Variants in ZSWIM6 observed in about 807,000 individuals in gnomAD.
ZSWIM6 encodes zinc finger SWIM-type containing 6, also known as zinc finger SWIM domain-containing protein 6.
A neutral mutation model predicts 113.2 loss-of-function variants in ZSWIM6; 9 were observed. The ratio of observed to expected loss-of-function variants is 0.08; its 90% CI spans 0.05 to 0.14. ZSWIM6 has a LOEUF of 0.14. Among genes scored for constraint, ZSWIM6 ranks in the 10% least tolerant of loss-of-function variants. ZSWIM6 has a pLI of 1.00. For synonymous variants in ZSWIM6, 611 were observed against 606.5 expected (o/e 1.01, Z -0.11); for missense variants, 1,162 against 1,552.2 (o/e 0.75, Z 4.22).
chr5:61,513,648 A>G (rs1407209194), intron 4 of ZSWIM6, among the ~76,000 whole-genome samples: 2 of 151,976 alleles, frequency 1.3e-5, no homozygotes, highest in African/African-American at 4.8e-5. Flanking sequence ...GAGTTTTTTT[A>G]TAAAGTATAT....
At chr5:61,340,709 G>C (rs1180204027) in intron 1 of ZSWIM6, among the ~76,000 whole-genome samples, 1 of 152,258 alleles carries the variant, frequency 6.6e-6, no homozygotes, top group Admixed American at 6.5e-5. Context: ...TACTGTTTGG[G>C]CCGTGTCTTA....
chr5:61,478,051 G>C (rs931604945), intron 2 of ZSWIM6, among the ~76,000 whole-genome samples: 1 of 152,110 alleles, frequency 6.6e-6, no homozygotes, highest in African/African-American at 2.4e-5. Flanking sequence ...GCTTGCCTTA[G>C]CAACCAGTTT....
intron 1 of ZSWIM6, among the ~76,000 whole-genome samples, chr5:61,415,956 T>G (rs1023506421): frequency 1.1e-3 from 166 of 152,330 alleles, no homozygotes; most frequent in African/African-American, 3.8e-3. Context: ...CAAGATAAGT[T>G]TATCAGGGCT....
intron 1 of ZSWIM6, among the ~76,000 whole-genome samples, chr5:61,459,690 AT>A (rs989060012): frequency 3.3e-5 from 5 of 152,216 alleles, no homozygotes; most frequent in African/African-American, 1.2e-4. Context: ...TTATTTATTC[AT>A]TCACTCAATA....
chr5:61,454,551 C>T (rs1178504694), intron 1 of ZSWIM6, among the ~76,000 whole-genome samples: 2 of 150,814 alleles, frequency 1.3e-5, no homozygotes, highest in African/African-American at 4.9e-5. Context: ...GTATGAGCCA[C>T]CGTGCCTATC....
chr5:61,449,190 A>G (rs925424380), intron 1 of ZSWIM6, among the ~76,000 whole-genome samples: 3 of 152,228 alleles, frequency 2.0e-5, no homozygotes, highest in African/African-American at 7.2e-5. Flanking sequence ...TTTTATAATT[A>G]CATTGGTTTC....
Position 61,543,612 on chromosome 5 carries a change from G to A in ZSWIM6, c.2943G>A (p.Arg981=). 6.4e-7 allele frequency: 1 copy of A among 1,551,728 alleles called. No individual in the cohort carries two copies. The highest frequency in any genetic ancestry group is 2.4e-5 in the East Asian group (1 of 40,896). The change falls in exon 14 of 14, where the codon CGG becomes CGA. Residue 981 remains arginine, a synonymous_variant. Transcript: ENST00000252744. This position sits in a 1 kb window ranked among gnomAD's most constrained non-coding sequence, Gnocchi z 4.3. ...HQQEKLASSA[R]TLALQCAMKD... ...AGGAAAAGCTGGCCAGCAGCGCCCGGACACTTGCACTGCAGTGTGCCATGA... is the reference window on the plus strand; with the variant it reads ...AGGAAAAGCTGGCCAGCAGCGCCCGAACACTTGCACTGCAGTGTGCCATGA...
chr5:61,505,682 G>C (rs114326128), intron 4 of ZSWIM6, among the ~76,000 whole-genome samples: 29,773 of 55,190 alleles, frequency 0.54, 8,217 homozygotes, highest in African/African-American at 0.78. Context: ...TTCTTTCCTT[G>C]CCTCCCTCCC....
Position 61,543,757 on chromosome 5 carries a change from C to T in ZSWIM6, c.3088C>T (p.Leu1030Phe). Residue 1030 changes from leucine to phenylalanine, a missense_variant, in exon 14 of 14, where the codon CTC becomes TTC. By Grantham distance (22) the Leu-to-Phe change is conservative. Coordinates refer to ENST00000252744, the MANE Select transcript of ZSWIM6 (RefSeq NM_020928.2). The surrounding 1 kb of genome is among the most constrained non-coding windows in gnomAD (Gnocchi z 4.3). ...TACGACTGGCATGAGCTATACACAG[C>T]TCTTTACAATAGCACGGTACATGGA... Reference protein sequence around the residue: ...AATTGMSYTQLFTIARYMEHR... With the variant: ...AATTGMSYTQFFTIARYMEHR... 1 of 1,551,798 alleles carries T rather than the reference C, an allele frequency of 6.4e-7. No individual in the cohort carries two copies. The highest frequency in any genetic ancestry group is 8.7e-7 in the Non-Finnish European group (1 of 1,147,012).
intron 1 of ZSWIM6, among the ~76,000 whole-genome samples, chr5:61,421,492 A>G (rs766490324): frequency 1.6e-4 from 25 of 152,192 alleles, no homozygotes; most frequent in Non-Finnish European, 2.4e-4. Flanking sequence ...ATCACATGAA[A>G]AAAAATTTTA....
intron 4 of ZSWIM6, among the ~76,000 whole-genome samples, chr5:61,515,010 T>G (rs1368214501): frequency 6.6e-6 from 1 of 152,194 alleles, no homozygotes; most frequent in Non-Finnish European, 1.5e-5. Flanking sequence ...TTAGAGATTT[T>G]TAACTGCAAA....
At chr5:61,440,680 T>C (rs1446454887) in intron 1 of ZSWIM6, among the ~76,000 whole-genome samples, 1 of 152,182 alleles carries the variant, frequency 6.6e-6, no homozygotes, top group Non-Finnish European at 1.5e-5. Flanking sequence ...AGTTTCCTTT[T>C]GCTATTCAAA....
rs1230488092 is a variant in ZSWIM6 at position 61,332,704 on chromosome 5, CGGCGGCGCG to C, written c.440_448del (p.Ala147_Gly149del). On this transcript the variant is annotated inframe_deletion, in exon 1 of 14. Coordinates refer to ENST00000252744, the MANE Select transcript of ZSWIM6 (RefSeq NM_020928.2). ...GCCCCGGCGACGACAGCGGTGGCGG[CGGCGGCGCG>C]GGCGGCGGCGGCGGCGGCGGCTCCT... is the stretch of plus-strand genomic sequence containing the variant. The C allele has an allele frequency of 3.1e-6, 3 of 974,566 alleles. No homozygotes were observed. Among genetic ancestry groups the C allele is most frequent in the South Asian group, 4.6e-5 (1 of 21,736 alleles). The allele number at this position is 974,566 out of a possible 1,614,324, so 60.4% of individuals were successfully genotyped here. A position where few individuals can be genotyped will look rare whatever the true frequency, so the allele number is the denominator to read the frequency against.
intron 13 of ZSWIM6, 39 bp downstream of exon 13, chr5:61,542,004 C>T: frequency 1.3e-6 from 2 of 1,513,830 alleles, no homozygotes; most frequent in Non-Finnish European, 1.8e-6. Context: ...CTAGGTGCCT[C>T]ATGGTAGGAT....
At chr5:61,515,488 C>T (rs1748908901) in intron 4 of ZSWIM6, among the ~76,000 whole-genome samples, 2 of 152,088 alleles carry the variant, frequency 1.3e-5, no homozygotes, top group South Asian at 4.1e-4. Flanking sequence ...CATGCAAGAG[C>T]GTAGGTTAGA....
chr5:61,341,855 T>G (rs1297647630), intron 1 of ZSWIM6, among the ~76,000 whole-genome samples: 1 of 151,148 alleles, frequency 6.6e-6, no homozygotes, highest in East Asian at 1.9e-4. Context: ...GTCTCCAAAC[T>G]GTAGTACTCT....
At chr5:61,405,946 G>A (rs1265260375) in intron 1 of ZSWIM6, among the ~76,000 whole-genome samples, 1 of 152,148 alleles carries the variant, frequency 6.6e-6, no homozygotes, top group Non-Finnish European at 1.5e-5. Flanking sequence ...TTTTCTTTAT[G>A]TATAGTCTGT....
At chr5:61,498,109 T>C (rs1748370620) in intron 4 of ZSWIM6, among the ~76,000 whole-genome samples, 1 of 152,170 alleles carries the variant, frequency 6.6e-6, no homozygotes, top group East Asian at 1.9e-4. Flanking sequence ...AAACTATAGG[T>C]TGTGGCTGCC....
In ZSWIM6 at chr5:61,332,686, C is replaced by A. The variant is rs752232320; in HGVS notation, c.414C>A (p.Gly138=). 2.8e-6 allele frequency: 3 copies of A among 1,068,998 alleles called. No individual in the cohort carries two copies. Among genetic ancestry groups the A allele is most frequent in the Non-Finnish European group, 3.5e-6 (3 of 868,446 alleles). 66.2% of individuals were successfully genotyped at this position (1,068,998 alleles called of 1,614,324 possible). The change falls in exon 1 of 14, where the codon GGC becomes GGA. Residue 138 remains glycine, a synonymous_variant. Coordinates refer to ENST00000252744, the MANE Select transcript of ZSWIM6 (RefSeq NM_020928.2). ...GCGGCGGCGCCGCGGGCGGCCCCGG[C>A]GACGACAGCGGTGGCGGCGGCGGCG... ...NTGGGAAGGP[G]DDSGGGGGAG...
Sources: gnomAD v4.1 joint callset for allele counts (sites outside exome capture counted in the v4.1 genomes callset) on GRCh38, gnomAD v4.1.1 for gene constraint, Gnocchi (gnomAD v3.1) non-coding constraint, MANE v1.5 for transcripts, NCBI Gene and HGNC (gene_info 2026-07-23, HGNC 2026-07-21) for gene names.